Variants in FIGLA observed in about 807,000 individuals in gnomAD.
FIGLA encodes the protein folliculogenesis specific bHLH transcription factor.
In FIGLA, 17 loss-of-function variants were observed where a neutral mutation model predicts 21.5. The observed-to-expected ratio is 0.79, with a 90% CI of 0.54 to 1.19. FIGLA has a LOEUF of 1.19. Ranked by LOEUF, FIGLA falls within the 50% of genes most tolerant of loss-of-function variation. The pLI is 0.00. For missense variants in FIGLA, 282 were observed against 285.0 expected, an observed-to-expected ratio of 0.99 and a Z score of 0.08; for synonymous variants, 129 against 117.6, an observed-to-expected ratio of 1.10 and a Z score of -0.63.
rs781916015 is a variant in FIGLA at position 70,777,362 on chromosome 2, A to AT, written c.*4dup. 3 of 1,481,510 alleles carry AT rather than the reference A, an allele frequency of 2.0e-6. No homozygotes were observed. In the East Asian group the frequency reaches 7.4e-5, roughly 37 times the overall value. 91.8% of individuals were successfully genotyped at this position (1,481,510 alleles called of 1,614,324 possible). A position where few individuals can be genotyped will look rare whatever the true frequency, so the allele number is the denominator to read the frequency against. ...CTAGAAGGTAACCCTGGGCCTTTTC[A>AT]TTTTTCATACTTGTGGAAGTCTGAA... On this transcript the variant is annotated 3_prime_UTR_variant, in exon 5 of 5. Coordinates refer to ENST00000332372, the MANE Select transcript of FIGLA (RefSeq NM_001004311.3).
Position 70,785,617 on chromosome 2 carries a change from C to G in FIGLA, c.407G>C (p.Ser136Thr), listed in dbSNP as rs782542108. The G allele has an allele frequency of 4.7e-5, 76 of 1,613,728 alleles. No individual in the cohort carries two copies. Among genetic ancestry groups the G allele is most frequent in the Non-Finnish European group, 6.2e-5 (73 of 1,179,770 alleles). ...DSKKQDPDEQ[S>T]YSNNSSESHT... ...TGATTCAGAACTGTTGTTACTATAG[C>G]TCTGCTCATCTGGGTCTTGTTTCTG... The change falls in exon 3 of 5, where the codon AGC (serine) becomes ACC (threonine). Residue 136 changes from serine (S) to threonine (T), a missense_variant. Physicochemically the swap from Ser to Thr is moderately conservative, Grantham distance 58. Transcript: ENST00000332372.
chr2:70,786,754 C>G (rs1675964339), intron 2 of FIGLA, among the ~76,000 whole-genome samples: 1 of 152,082 alleles, frequency 6.6e-6, no homozygotes, highest in Non-Finnish European at 1.5e-5. Flanking sequence ...ATGGTGCTTC[C>G]CCCAGTCCTG....
intron 2 of FIGLA, among the ~76,000 whole-genome samples, chr2:70,786,228 CTTTTT>C (rs34626238): frequency 1.0e-5 from 1 of 95,674 alleles, no homozygotes. Flanking sequence ...ACTTTTCTGC[CTTTTT>C]TTTTTTTTTT....
chr2:70,784,359 C>T (rs908759608), intron 3 of FIGLA, among the ~76,000 whole-genome samples: 2 of 152,120 alleles, frequency 1.3e-5, no homozygotes, highest in Non-Finnish European at 2.9e-5. Context: ...GTTGATTGCT[C>T]ATGAGTCAAG....
intron 1 of FIGLA, among the ~76,000 whole-genome samples, chr2:70,789,986 CAG>C (rs1409930320): frequency 4.6e-5 from 7 of 152,302 alleles, no homozygotes; most frequent in African/African-American, 1.7e-4. Context: ...GGCCGAGATG[CAG>C]AGAGCAAGAA....
intron 3 of FIGLA, among the ~76,000 whole-genome samples, chr2:70,782,933 G>C (rs1289384975): frequency 2.0e-5 from 3 of 151,798 alleles, no homozygotes; most frequent in Non-Finnish European, 4.4e-5. Context: ...TGGGTGTGGT[G>C]GTGTGAGCCA....
chr2:70,783,214 T>C (rs1344576766), intron 3 of FIGLA, among the ~76,000 whole-genome samples: 1 of 152,126 alleles, frequency 6.6e-6, no homozygotes, highest in Admixed American at 6.5e-5. Flanking sequence ...TCTATAAAAA[T>C]CTCAAACGTC....
In FIGLA at chr2:70,777,679, A is replaced by G. The variant is rs1553388527; in HGVS notation, c.610-8T>C. 5 of 1,357,344 alleles carry G rather than the reference A, an allele frequency of 3.7e-6. No homozygotes were observed. The highest frequency in any genetic ancestry group is 5.2e-6 in the Non-Finnish European group (5 of 952,496). The allele number at this position is 1,357,344 out of a possible 1,614,324, so 84.1% of individuals were successfully genotyped here. The stretch of plus-strand genomic sequence containing the variant: ...TACTTCTGGGAATCTATCCTGCAAA[A>G]ACAATACAAAATACAGAAAGGGCTA... On this transcript the variant is annotated splice_polypyrimidine_tract_variant and splice_region_variant and intron_variant, in intron 3 of 4. Coordinates refer to ENST00000332372, the MANE Select transcript of FIGLA (RefSeq NM_001004311.3).
chr2:70,780,146 C>T (rs1192274013), intron 3 of FIGLA, among the ~76,000 whole-genome samples: 4 of 152,194 alleles, frequency 2.6e-5, no homozygotes, highest in African/African-American at 9.6e-5. Flanking sequence ...ATCTCCATCC[C>T]TGTCATCAGC....
intron 3 of FIGLA, among the ~76,000 whole-genome samples, chr2:70,781,243 G>T (rs1553389068): frequency 6.6e-6 from 1 of 152,104 alleles, no homozygotes; most frequent in East Asian, 1.9e-4. Flanking sequence ...TGAGGGGATG[G>T]CAACAGAGAT....
At chr2:70,778,843 C>A (rs782796036) in intron 3 of FIGLA, among the ~76,000 whole-genome samples, 36 of 152,156 alleles carry the variant, frequency 2.4e-4, no homozygotes, top group Non-Finnish European at 4.6e-4. Context: ...CAGGCACACT[C>A]CAATTGTTGG....
At position 70,778,343 on chromosome 2, in the gene FIGLA, T is replaced by C. The variant is rs941742135; in HGVS notation, c.610-672A>G. 2.6e-5 allele frequency among the ~76,000 whole-genome samples: 4 copies of C among 152,222 alleles called. No homozygotes were observed. In the East Asian group the frequency reaches 7.7e-4, roughly 29 times the overall value. On this transcript the variant is annotated intron_variant, in intron 3 of 4. Coordinates refer to ENST00000332372, the MANE Select transcript of FIGLA (RefSeq NM_001004311.3). Reference sequence around the variant, plus strand: ...GTTGTGAAAATTAAATAGGTTAATATGTATACACTGCCAGGAGCAGTCTCT... The same window carrying C: ...GTTGTGAAAATTAAATAGGTTAATACGTATACACTGCCAGGAGCAGTCTCT...
intron 3 of FIGLA, among the ~76,000 whole-genome samples, chr2:70,785,072 A>G (rs1553389694): frequency 6.6e-6 from 1 of 151,932 alleles, no homozygotes; most frequent in Non-Finnish European, 1.5e-5. Context: ...TAAAAGATAA[A>G]CTTAGGTCTG....
chr2:70,785,770 G>A, intron 2 of FIGLA, 131 bp from the exon 3 acceptor site: 1 of 713,470 alleles, frequency 1.4e-6, no homozygotes, highest in Non-Finnish European at 2.4e-6. Flanking sequence ...AAGTCATTAT[G>A]GAGAGAAAAG....
intron 3 of FIGLA, among the ~76,000 whole-genome samples, chr2:70,779,836 A>G (rs1675822567): frequency 6.6e-6 from 1 of 152,148 alleles, no homozygotes; most frequent in Non-Finnish European, 1.5e-5. Context: ...TCTGAACAAA[A>G]TTTAGAGCCA....
At chr2:70,781,571 T>C (rs782217086) in intron 3 of FIGLA, among the ~76,000 whole-genome samples, 59 of 152,324 alleles carry the variant, frequency 3.9e-4, no homozygotes, top group Admixed American at 5.2e-4. Flanking sequence ...ACGTGAACAG[T>C]TAAACTGTGG....
intron 2 of FIGLA, 85 bp from the exon 3 acceptor site, chr2:70,785,724 T>G (rs2104600792): frequency 9.9e-7 from 1 of 1,007,196 alleles, no homozygotes; most frequent in Non-Finnish European, 1.5e-6. Flanking sequence ...AAGTTTTAAC[T>G]GATGAGGTTT....
rs540600237 is a variant in FIGLA, at chr2:70,779,120, G to T, written c.610-1449C>A. On this transcript the variant is annotated intron_variant, in intron 3 of 4. Coordinates refer to ENST00000332372, the MANE Select transcript of FIGLA (RefSeq NM_001004311.3). ...CAGGGCTATAAATGCAGTCGCCGGA[G>T]CAGCTTTTCCTCTGAGCCACTGTGC... Among the ~76,000 whole-genome samples the T allele has an allele frequency of 7.6e-4, 115 of 152,294 alleles. 1 individual carries two copies. The highest frequency in any genetic ancestry group is 2.7e-3 in the African/African-American group (113 of 41,558).
chr2:70,789,734 C>T (rs1323585852), intron 1 of FIGLA, among the ~76,000 whole-genome samples: 2 of 152,142 alleles, frequency 1.3e-5, no homozygotes, highest in African/African-American at 4.8e-5. Flanking sequence ...CCATGTCTCC[C>T]AAGTTTGGGG....
Sources: allele counts gnomAD v4.1 joint callset (sites outside exome capture counted in the v4.1 genomes callset), GRCh38; gene constraint gnomAD v4.1.1; transcripts MANE v1.5; gene names NCBI Gene and HGNC (gene_info 2026-07-23, HGNC 2026-07-21).